The following IQSEC3 variants were observed in gnomAD, a reference collection of about 807,000 sequenced individuals.
The protein encoded by IQSEC3 is IQ motif and Sec7 domain ArfGEF 3.
IQSEC3 carries 50 observed loss-of-function variants against 105.4 expected under a neutral mutation model. The ratio of observed to expected loss-of-function variants is 0.47; its 90% CI spans 0.38 to 0.60. IQSEC3 has a LOEUF of 0.60. IQSEC3 is among the 20% of genes least tolerant of loss of function. The pLI is 0.00. For synonymous variants in IQSEC3, 708 were observed against 746.0 expected, an observed-to-expected ratio of 0.95 and a Z score of 0.83; for missense variants, 1,415 against 1,630.0, an observed-to-expected ratio of 0.87 and a Z score of 2.27.
Position 107,645 on chromosome 12 carries a change from C to T in IQSEC3, c.623+8431C>T, listed in dbSNP as rs541711694. ...CAGGATGGTCTCGATCTCCTGACCT[C>T]GTGATCCGCCCACCTCGGCCTCCCA... On this transcript the variant is annotated intron_variant, in intron 2 of 13. Coordinates refer to ENST00000538872, the MANE Select transcript of IQSEC3 (RefSeq NM_001170738.2). Among the ~76,000 whole-genome samples, 79 of 152,064 alleles carry T rather than the reference C, an allele frequency of 5.2e-4. 1 individual carries two copies. In the East Asian group the frequency reaches 6.2e-3, roughly 12 times the overall value.
At chr12:107,479 G>A (rs1324541461) in intron 2 of IQSEC3, among the ~76,000 whole-genome samples, 9 of 128,788 alleles carry the variant, frequency 7.0e-5, no homozygotes, top group African/African-American at 1.8e-4. Context: ...GCACAATCTC[G>A]GCTCACTGCA....
rs1164211583 is a variant in IQSEC3, at chr12:165,711, C to T, written c.2810-18C>T. 3 of 1,612,410 alleles carry T rather than the reference C, an allele frequency of 1.9e-6. No homozygotes were observed. The highest frequency in any genetic ancestry group is 2.5e-6 in the Non-Finnish European group (3 of 1,179,194). The stretch of plus-strand genomic sequence containing the variant: ...CTGCTGCTCACAGCCCACTGGGGGC[C>T]TGGGGTCTGCTTTCCAGATTACTCT... On this transcript the variant is annotated intron_variant, in intron 10 of 13. Transcript: ENST00000538872.
chr12:137,361 G>C (rs1865807427), intron 3 of IQSEC3: 1 of 151,280 alleles, frequency 6.6e-6, no homozygotes, highest in Non-Finnish European at 1.5e-5. Flanking sequence ...GTTTAGGGGA[G>C]GAGCGGGGAA....
At chr12:171,622 G>A (rs535638367) in intron 13 of IQSEC3, among the ~76,000 whole-genome samples, 1 of 152,128 alleles carries the variant, frequency 6.6e-6, no homozygotes, top group Non-Finnish European at 1.5e-5. Flanking sequence ...GGCCCCAAAC[G>A]ATCACTTCTG....
intron 3 of IQSEC3, among the ~76,000 whole-genome samples, chr12:132,287 G>T (rs1417165976): frequency 6.6e-6 from 1 of 152,182 alleles, no homozygotes; most frequent in Non-Finnish European, 1.5e-5. Context: ...GGTCGGGGGA[G>T]AGCAGGCAGG....
In IQSEC3 at chr12:138,403, T is replaced by C. The variant is rs1218053116; in HGVS notation, c.1040T>C (p.Leu347Pro). 2 of 1,610,184 alleles carry C rather than the reference T, an allele frequency of 1.2e-6. No individual in the cohort carries two copies. The highest frequency in any genetic ancestry group is 1.7e-6 in the Non-Finnish European group (2 of 1,179,856). The change falls in exon 4 of 14, where the codon CTG (leucine) becomes CCG (proline). Residue 347 changes from leucine to proline, a missense_variant. This residue lies in a region of IQSEC3 where 720 missense variants were observed against 633.0 expected (regional missense o/e 1.14). Coordinates refer to ENST00000538872, the MANE Select transcript of IQSEC3 (RefSeq NM_001170738.2). This position sits in a 1 kb window ranked among gnomAD's most constrained non-coding sequence, Gnocchi z 7.1. ...KIRNSLLESR[L>P]PRRISLRKVR... ...CGCAACTCGCTTCTGGAGAGCCGCCTGCCACGGCGGATCTCCCTGCGCAAG... is the reference window on the plus strand; with the variant it reads ...CGCAACTCGCTTCTGGAGAGCCGCCCGCCACGGCGGATCTCCCTGCGCAAG...
intron 3 of IQSEC3, among the ~76,000 whole-genome samples, 191 bp downstream of exon 3, chr12:126,103 T>C (rs1308813238): frequency 5.3e-5 from 8 of 152,226 alleles, no homozygotes; most frequent in African/African-American, 1.7e-4. Flanking sequence ...CCTTCTACCA[T>C]GGCAGGGCTC....
At chr12:125,140 C>T (rs769434467) in intron 2 of IQSEC3, among the ~76,000 whole-genome samples, 63 of 152,220 alleles carry the variant, frequency 4.1e-4, no homozygotes, top group East Asian at 7.7e-4. Context: ...CCCAAGGAGC[C>T]GGGCCACCGA....
In IQSEC3 at chr12:141,375, C is replaced by G. The variant is rs528771280; in HGVS notation, c.2153+90C>G. The G allele has an allele frequency of 2.0e-5, 27 of 1,379,988 alleles. No homozygotes were observed. The South Asian group carries it at 3.4e-4, about 17-fold the overall frequency. The allele number at this position is 1,379,988 out of a possible 1,614,324, so 85.5% of individuals were successfully genotyped here. ...TGTGAGCTCCTTGGTGAAATCCTCGCTCCAGTTCTAACAGCTTCCAGCTTC... is the reference window on the plus strand; with the variant it reads ...TGTGAGCTCCTTGGTGAAATCCTCGGTCCAGTTCTAACAGCTTCCAGCTTC... On this transcript the variant is annotated intron_variant, in intron 5 of 13. Coordinates refer to ENST00000538872, the MANE Select transcript of IQSEC3 (RefSeq NM_001170738.2).
chr12:129,127 C>A (rs529720182), intron 3 of IQSEC3, among the ~76,000 whole-genome samples: 1 of 152,232 alleles, frequency 6.6e-6, no homozygotes, highest in African/African-American at 2.4e-5. Context: ...CCTGTTGCCT[C>A]CTCTGTGCTG....
At chr12:126,630 A>T (rs1243774852) in intron 3 of IQSEC3, among the ~76,000 whole-genome samples, 2 of 151,882 alleles carry the variant, frequency 1.3e-5, no homozygotes, top group Non-Finnish European at 1.5e-5. Context: ...TTGAACTTGG[A>T]GATGTAGACA....
intron 3 of IQSEC3, among the ~76,000 whole-genome samples, chr12:134,455 G>A (rs1865693312): frequency 6.6e-6 from 1 of 152,254 alleles, no homozygotes; most frequent in East Asian, 1.9e-4. Context: ...CCATGCCAAG[G>A]GCATGGACCC....
chr12:68,660 T>G (rs1863191519), intron 1 of IQSEC3, among the ~76,000 whole-genome samples: 1 of 152,282 alleles, frequency 6.6e-6, no homozygotes, highest in Admixed American at 6.5e-5. Flanking sequence ...TGGTGATGCA[T>G]AAGGGAATGG....
intron 1 of IQSEC3, among the ~76,000 whole-genome samples, chr12:90,372 GTGCT>G (rs1864044669): frequency 6.6e-6 from 1 of 152,246 alleles, no homozygotes; most frequent in Non-Finnish European, 1.5e-5. Context: ...TTCGTGGCTT[GTGCT>G]TTCTGGTCCT....
chr12:150,025 G>A (rs1027478659), intron 5 of IQSEC3, among the ~76,000 whole-genome samples: 5 of 152,180 alleles, frequency 3.3e-5, no homozygotes, highest in Non-Finnish European at 5.9e-5. Flanking sequence ...TGGTTTGGAG[G>A]CAGGGAGACT....
Position 175,313 on chromosome 12 carries a change from T to G in IQSEC3, c.*280T>G. On this transcript the variant is annotated 3_prime_UTR_variant, in exon 14 of 14. Coordinates refer to ENST00000538872, the MANE Select transcript of IQSEC3 (RefSeq NM_001170738.2). ...CCTCCTCTTCCCCTGGCCACCACTT[T>G]CCCCCATTGGACCATGGACTGAAGA... The G allele has an allele frequency of 4.7e-6, 2 of 424,312 alleles. No homozygotes were observed. The highest frequency in any genetic ancestry group is 3.6e-5 in the East Asian group (1 of 27,438). The allele number at this position is 424,312 out of a possible 1,614,324, so 26.3% of individuals were successfully genotyped here. A position where few individuals can be genotyped will look rare whatever the true frequency, so the allele number is the denominator to read the frequency against.
intron 6 of IQSEC3, 39 bp downstream of exon 6, chr12:157,186 A>G: frequency 2.7e-6 from 4 of 1,492,562 alleles, no homozygotes; most frequent in Non-Finnish European, 3.6e-6. Flanking sequence ...AACAGACCCC[A>G]GCGTGGGGAA....
At chr12:84,239 A>G (rs1863845206) in intron 1 of IQSEC3, among the ~76,000 whole-genome samples, 2 of 152,214 alleles carry the variant, frequency 1.3e-5, no homozygotes, top group South Asian at 4.1e-4. Context: ...TGGCCCACTC[A>G]TCTCAGTGCC....
At chr12:126,256 T>C (rs1865403491) in intron 3 of IQSEC3, among the ~76,000 whole-genome samples, 1 of 152,212 alleles carries the variant, frequency 6.6e-6, no homozygotes, top group African/African-American at 2.4e-5. Context: ...CATCTGCTGC[T>C]TAGAGGCCAT....
Sources: allele counts gnomAD v4.1 joint callset (sites outside exome capture counted in the v4.1 genomes callset), GRCh38; gene constraint gnomAD v4.1.1; regional missense constraint gnomAD v4.1.1; non-coding constraint Gnocchi (gnomAD v3.1); transcripts MANE v1.5; gene names NCBI Gene and HGNC (gene_info 2026-07-23, HGNC 2026-07-21).